The following C5orf58 variants were observed in gnomAD, a reference collection of about 807,000 sequenced individuals.
C5orf58 encodes the protein chromosome 5 open reading frame 58, also known as putative uncharacterized protein C5orf58.
A neutral mutation model predicts 2.9 loss-of-function variants in C5orf58; 2 were observed. The observed-to-expected ratio is 0.69, with a 90% CI of 0.28 to 2.18. C5orf58 has a LOEUF of 2.18. Among genes scored for constraint, C5orf58 ranks in the 30% most tolerant of loss-of-function variants. C5orf58 has a pLI of 0.13. For synonymous variants in C5orf58, 37 were observed against 33.4 expected (o/e 1.11, Z -0.37); for missense variants, 96 against 91.7 (o/e 1.05, Z -0.19).
chr5:170,234,752 G>A (rs952921811), intron 2 of C5orf58, among the ~76,000 whole-genome samples: 1 of 152,200 alleles, frequency 6.6e-6, no homozygotes, highest in Non-Finnish European at 1.5e-5. Flanking sequence ...TGGTTTGATT[G>A]AGGAAGGAAC....
intron 3 of C5orf58, among the ~76,000 whole-genome samples, chr5:170,237,866 A>C (rs1036180126): frequency 1.3e-5 from 2 of 152,186 alleles, no homozygotes; most frequent in African/African-American, 4.8e-5. Context: ...ACTGAAACAA[A>C]GTTTACTTAC....
intron 2 of C5orf58, 140 bp from the exon 3 acceptor site, chr5:170,234,837 G>T: frequency 2.0e-6 from 1 of 491,732 alleles, no homozygotes; most frequent in South Asian, 3.0e-5. Context: ...TTTGATGTTA[G>T]AATTCTAACC....
At chr5:170,239,398 GAA>G (rs11446646) in intron 3 of C5orf58, among the ~76,000 whole-genome samples, 6 of 143,398 alleles carry the variant, frequency 4.2e-5, no homozygotes, top group African/African-American at 1.5e-4. Context: ...ACTGAAAATT[GAA>G]AAAAAAAAAA....
chr5:170,248,709 T>C (rs1561964002), downstream of C5orf58: 2 of 1,611,938 alleles, frequency 1.2e-6, no homozygotes, highest in South Asian at 1.1e-5. Flanking sequence ...ATGGGTACCC[T>C]GCAGCATGCG....
At chr5:170,237,175 G>C (rs1242859082) in intron 3 of C5orf58, 3 of 397,532 alleles carry the variant, frequency 7.5e-6, no homozygotes, top group Non-Finnish European at 1.3e-5. Context: ...GTTAGACTCT[G>C]AGGGACCTGT....
chr5:170,233,257 A>C (rs1437998544), intron 1 of C5orf58: 1 of 152,274 alleles, frequency 6.6e-6, no homozygotes, highest in African/African-American at 2.4e-5. Flanking sequence ...ACATTACCCT[A>C]ATCCTGTCCA....
downstream of C5orf58, chr5:170,251,020 T>TGTCA: frequency 1.6e-6 from 1 of 634,508 alleles, no homozygotes. Context: ...GTGCAAAACC[T>TGTCA]GTCATTCAAC....
In C5orf58 at chr5:170,245,364, C is replaced by T. The variant is rs970235468; in HGVS notation, c.95-598C>T. Reference sequence around the variant, plus strand: ...AGCCTGGGCAATGGTGGGCGCCCCTCCCCCAGCCTCGCTGCTGCCTTGCAG... The same window carrying T: ...AGCCTGGGCAATGGTGGGCGCCCCTTCCCCAGCCTCGCTGCTGCCTTGCAG... On this transcript the variant is annotated intron_variant, in intron 3 of 3. Transcript: ENST00000593851. Among the ~76,000 whole-genome samples the T allele has an allele frequency of 1.0e-3, 155 of 152,310 alleles. 1 individual carries two copies. Among genetic ancestry groups the T allele is most frequent in the Non-Finnish European group, 2.0e-3 (137 of 68,026 alleles).
chr5:170,248,448 C>T (rs1761348628), downstream of C5orf58: 1 of 344,788 alleles, frequency 2.9e-6, no homozygotes, highest in Admixed American at 5.1e-5. Context: ...TGAATTATTA[C>T]AGTGCACTAC....
chr5:170,241,517 G>C (rs1319663994), intron 3 of C5orf58, among the ~76,000 whole-genome samples: 1 of 150,208 alleles, frequency 6.7e-6, no homozygotes, highest in African/African-American at 2.5e-5. Context: ...GGATCCCTAG[G>C]TATTTTATTC....
At chr5:170,246,795 G>A (rs1346529879), downstream of C5orf58, 1 of 152,212 alleles carries the variant, frequency 6.6e-6, no homozygotes, top group Non-Finnish European at 1.5e-5. Flanking sequence ...TGCACCTGGG[G>A]TCATATAGAA....
At chr5:170,250,109 G>A (rs1199778118), downstream of C5orf58, among the ~76,000 whole-genome samples, 1 of 152,158 alleles carries the variant, frequency 6.6e-6, no homozygotes, top group African/African-American at 2.4e-5. Context: ...CCTCCTCTTG[G>A]AACTTTGAAC....
At chr5:170,244,582 A>G (rs1250403711) in intron 3 of C5orf58, among the ~76,000 whole-genome samples, 1 of 151,944 alleles carries the variant, frequency 6.6e-6, no homozygotes, top group African/African-American at 2.4e-5. Flanking sequence ...GGCTCCTGAG[A>G]CTTCTGCATT....
downstream of C5orf58, chr5:170,247,997 G>C (rs1025039497): frequency 6.6e-6 from 1 of 151,990 alleles, no homozygotes; most frequent in Non-Finnish European, 1.5e-5. Flanking sequence ...GTTTTCTTTT[G>C]GTATTTGTAG....
intron 3 of C5orf58, among the ~76,000 whole-genome samples, chr5:170,237,050 C>G (rs1321288365): frequency 6.6e-6 from 1 of 152,072 alleles, no homozygotes; most frequent in Non-Finnish European, 1.5e-5. Flanking sequence ...GCTTTAGATT[C>G]CCCCCAAACT....
Position 170,246,076 on chromosome 5 carries a change from C to T in C5orf58, c.209C>T (p.Ser70Leu), listed in dbSNP as rs752218477. ...NNPLFEESKI[S>L]DVSLVSNSFS... ...CCCCTCTTTGAAGAGTCTAAAATATCAGATGTATCCCTTGTTTCTAACAGT... is the reference window on the plus strand; with the variant it reads ...CCCCTCTTTGAAGAGTCTAAAATATTAGATGTATCCCTTGTTTCTAACAGT... The change falls in exon 4 of 4, where the codon TCA (serine) becomes TTA (leucine). Residue 70 changes from serine to leucine, a missense_variant. Physicochemically the swap from Ser to Leu is moderately radical, Grantham distance 145. Transcript: ENST00000593851. 6.2e-7 allele frequency: 1 copy of T among 1,612,860 alleles called. No homozygotes were observed. Among genetic ancestry groups the T allele is most frequent in the East Asian group, 2.2e-5 (1 of 44,844 alleles).
chr5:170,240,485 G>C (rs983621940), intron 3 of C5orf58, among the ~76,000 whole-genome samples: 19 of 151,898 alleles, frequency 1.3e-4, no homozygotes, highest in Non-Finnish European at 2.2e-4. Context: ...GTGTGAGATG[G>C]TATCTCATTG....
intron 3 of C5orf58, among the ~76,000 whole-genome samples, chr5:170,239,821 T>A (rs929455657): frequency 5.9e-5 from 9 of 152,092 alleles, no homozygotes; most frequent in African/African-American, 1.9e-4. Flanking sequence ...CATGTGCACA[T>A]TGTGCAGGTT....
At chr5:170,234,307 T>G in intron 2 of C5orf58, 109 bp downstream of exon 2, 2 of 572,842 alleles carry the variant, frequency 3.5e-6, no homozygotes, top group South Asian at 1.6e-5. Flanking sequence ...CAAGTCATTT[T>G]GAGAGACTGA....
Sources: allele counts gnomAD v4.1 joint callset (sites outside exome capture counted in the v4.1 genomes callset), GRCh38; gene constraint gnomAD v4.1.1; transcripts MANE v1.5; gene names NCBI Gene and HGNC (gene_info 2026-07-23, HGNC 2026-07-21).